Variants in STAU1 observed in about 807,000 individuals in gnomAD.
STAU1 encodes double-stranded RNA-binding protein Staufen homolog 1.
Under a neutral mutation model 62.9 loss-of-function variants are expected in STAU1, and 13 were observed. That is an observed-to-expected ratio of 0.21 (90% CI 0.13 to 0.33). The LOEUF (loss-of-function observed/expected upper bound fraction) is 0.33. Among genes scored for constraint, STAU1 ranks in the 10% least tolerant of loss-of-function variants. The pLI is 1.00. For missense variants in STAU1, 571 were observed against 712.1 expected, an observed-to-expected ratio of 0.80 and a Z score of 2.25; for synonymous variants, 269 against 265.1, an observed-to-expected ratio of 1.01 and a Z score of -0.14.
chr20:49,128,772 C>A (rs8120015), intron 6 of STAU1, among the ~76,000 whole-genome samples: 51,464 of 121,970 alleles, frequency 0.42, 9,741 homozygotes, highest in Middle Eastern at 0.51. Flanking sequence ...ACATCCAAAT[C>A]CAAAAAAAAA....
intron 5 of STAU1, among the ~76,000 whole-genome samples, chr20:49,141,871 A>G (rs1209236625): frequency 2.0e-5 from 3 of 152,176 alleles, no homozygotes; most frequent in Admixed American, 2.0e-4. Flanking sequence ...TTAAATGAAT[A>G]TAATTTGGTG....
At chr20:49,157,728 T>C (rs377295319) in intron 3 of STAU1, among the ~76,000 whole-genome samples, 2 of 151,960 alleles carry the variant, frequency 1.3e-5, no homozygotes, top group Non-Finnish European at 1.5e-5. Flanking sequence ...ACTGCCCGCC[T>C]TGGACTCTCA....
At chr20:49,118,455 T>C in intron 9 of STAU1, 47 bp from the exon 10 acceptor site, 1 of 1,445,266 alleles carries the variant, frequency 6.9e-7, no homozygotes, top group East Asian at 2.3e-5. Context: ...ATAAATCAGA[T>C]CACTGAAAAA....
intron 12 of STAU1, among the ~76,000 whole-genome samples, chr20:49,116,357 C>T (rs921622592): frequency 2.6e-5 from 4 of 152,184 alleles, no homozygotes; most frequent in Admixed American, 6.5e-5. Context: ...TGTTTTGAAA[C>T]GCAGTCTCAC....
chr20:49,206,242 C>A, the STAU1 span, among the ~76,000 whole-genome samples: 1 of 149,268 alleles, frequency 6.7e-6, no homozygotes, highest in Non-Finnish European at 1.5e-5. Context: ...GATCCACCCG[C>A]CTTGGCCTCC....
intron 6 of STAU1, among the ~76,000 whole-genome samples, chr20:49,126,998 A>G (rs931373025): frequency 3.3e-5 from 5 of 152,216 alleles, no homozygotes; most frequent in African/African-American, 1.2e-4. Flanking sequence ...TCAAGACTGT[A>G]AGGCTGGCAA....
the STAU1 span, chr20:49,219,261 G>T: frequency 4.5e-6 from 6 of 1,319,316 alleles, no homozygotes; most frequent in African/African-American, 1.5e-5. Context: ...CCTTGATGGC[G>T]TCACACGAAA....
Position 49,124,566 on chromosome 20 carries a change from G to T in STAU1, c.631C>A (p.Pro211Thr). Residue 211 changes from proline to threonine, a missense_variant, in exon 7 of 14, where the codon CCC becomes ACC. This residue lies in a region of STAU1 where 414 missense variants were observed against 499.6 expected (regional missense o/e 0.83). Coordinates refer to ENST00000371856, the MANE Select transcript of STAU1 (RefSeq NM_017453.4). ...NFEVARESGP[P>T]HMKNFVTKVS... ...TTGGTCACAAAGTTCTTCATGTGGG[G>T]TGGGCCACTCTCCCGGGCCACCTGT... is the stretch of plus-strand genomic sequence containing the variant. 6.2e-7 allele frequency: 1 copy of T among 1,613,944 alleles called. No homozygotes were observed. The highest frequency in any genetic ancestry group is 8.5e-7 in the Non-Finnish European group (1 of 1,180,024).
the STAU1 span, among the ~76,000 whole-genome samples, chr20:49,214,860 A>C: frequency 1.3e-5 from 2 of 152,364 alleles, no homozygotes; most frequent in Non-Finnish European, 2.9e-5. Flanking sequence ...ATTTCAACAC[A>C]TGAATTTGTG....
the STAU1 span, among the ~76,000 whole-genome samples, chr20:49,195,925 G>GGA: frequency 1.1e-5 from 1 of 93,724 alleles, no homozygotes; most frequent in Non-Finnish European, 2.0e-5. Context: ...AAAGAAAAAA[G>GGA]AAAAAAAAAA....
At chr20:49,217,343 G>C in the STAU1 span, among the ~76,000 whole-genome samples, 1 of 151,980 alleles carries the variant, frequency 6.6e-6, no homozygotes, top group Non-Finnish European at 1.5e-5. Context: ...GTACAAACAT[G>C]GTTCCTGGAG....
the STAU1 span, among the ~76,000 whole-genome samples, chr20:49,198,552 G>A: frequency 1.3e-5 from 2 of 152,042 alleles, no homozygotes; most frequent in Admixed American, 6.6e-5. Context: ...AGAATGGGAT[G>A]GGCATGGTGG....
At chr20:49,173,197 C>G (rs2093619513) in intron 2 of STAU1, among the ~76,000 whole-genome samples, 1 of 151,542 alleles carries the variant, frequency 6.6e-6, no homozygotes, top group Non-Finnish European at 1.5e-5. Flanking sequence ...GTGGCTCACG[C>G]CTGTAATCCC....
At chr20:49,192,927 C>A (rs1472306513), upstream of STAU1, among the ~76,000 whole-genome samples, 1 of 152,204 alleles carries the variant, frequency 6.6e-6, no homozygotes, top group African/African-American at 2.4e-5. Flanking sequence ...TAACCAAGAA[C>A]TTTCTGAAAA....
At chr20:49,167,307 T>C (rs1194309166) in intron 2 of STAU1, among the ~76,000 whole-genome samples, 2 of 152,090 alleles carry the variant, frequency 1.3e-5, no homozygotes, top group African/African-American at 4.8e-5. Flanking sequence ...ACCAACTAAT[T>C]AGAAGTTCTA....
At chr20:49,166,444 T>C (rs1425201646) in intron 2 of STAU1, among the ~76,000 whole-genome samples, 159 bp from the exon 3 acceptor site, 1 of 152,236 alleles carries the variant, frequency 6.6e-6, no homozygotes, top group Non-Finnish European at 1.5e-5. Context: ...CTCCTTGGTA[T>C]ACAGTAAGTT....
the STAU1 span, among the ~76,000 whole-genome samples, chr20:49,196,784 G>GAAAAAA: frequency 6.9e-6 from 1 of 145,154 alleles, no homozygotes. Flanking sequence ...AGGAAAAAAA[G>GAAAAAA]AAAAAAAAAA....
Position 49,153,380 on chromosome 20 carries a change from C to A in STAU1, c.344+553G>T, listed in dbSNP as rs1320382571. Among the ~76,000 whole-genome samples the A allele has an allele frequency of 2.8e-5, 4 of 144,880 alleles. No homozygotes were observed. In the East Asian group the frequency reaches 8.1e-4, roughly 29 times the overall value. ...GTTCAAGACCAGTCTGGGCAACATA[C>A]GGAGACCCTGTCTCAATGAATTAAA... On this transcript the variant is annotated intron_variant, in intron 4 of 13. Transcript: ENST00000371856.
intron 6 of STAU1, among the ~76,000 whole-genome samples, chr20:49,132,290 C>T (rs954152096): frequency 1.3e-5 from 2 of 152,200 alleles, no homozygotes; most frequent in African/African-American, 2.4e-5. Flanking sequence ...TTCAAATGCA[C>T]AGCCCACCCT....
Sources: gnomAD v4.1 joint callset for allele counts (sites outside exome capture counted in the v4.1 genomes callset) on GRCh38, gnomAD v4.1.1 for gene constraint, gnomAD v4.1.1 regional missense constraint, MANE v1.5 for transcripts, NCBI Gene and HGNC (gene_info 2026-07-23, HGNC 2026-07-21) for gene names.